The following TDP1 variants were observed in gnomAD, a reference collection of about 807,000 sequenced individuals.
TDP1 encodes the protein tyrosyl-DNA phosphodiesterase 1.
Under a neutral mutation model 81.5 loss-of-function variants are expected in TDP1, and 64 were observed. That is an observed-to-expected ratio of 0.79 (90% CI 0.64 to 0.97). TDP1 has a LOEUF of 0.97. Among genes scored for constraint, TDP1 ranks in the 50% least tolerant of loss-of-function variants. The pLI is 0.00. For missense variants in TDP1, 723 were observed against 743.8 expected, an observed-to-expected ratio of 0.97 and a Z score of 0.33; for synonymous variants, 256 against 264.3, an observed-to-expected ratio of 0.97 and a Z score of 0.30.
chr14:90,043,465 G>T lies in TDP1; in HGVS notation c.*322G>T. 1 of 434,270 alleles carries T rather than the reference G, an allele frequency of 2.3e-6. No homozygotes were observed. Among genetic ancestry groups the T allele is most frequent in the Non-Finnish European group, 4.2e-6 (1 of 237,604 alleles). 26.9% of individuals were successfully genotyped at this position (434,270 alleles called of 1,614,324 possible). A position where few individuals can be genotyped will look rare whatever the true frequency, so the allele number is the denominator to read the frequency against. On this transcript the variant is annotated 3_prime_UTR_variant, in exon 17 of 17. Coordinates refer to ENST00000335725, the MANE Select transcript of TDP1 (RefSeq NM_018319.4). ...AGTGTTTCAGCTTTTGGATTTTTTT[G>T]AATTTTGGAATATTTGCATAGCATA...
chr14:89,985,068 C>T (rs1462754172), intron 9 of TDP1, 64 bp from the exon 10 acceptor site: 1 of 1,411,208 alleles, frequency 7.1e-7, no homozygotes, highest in African/African-American at 1.5e-5. Flanking sequence ...TGTATTTTGT[C>T]ATTTTTTTTG....
intron 15 of TDP1, among the ~76,000 whole-genome samples, chr14:90,029,360 G>A (rs1476854352): frequency 1.3e-5 from 2 of 151,582 alleles, no homozygotes; most frequent in African/African-American, 4.9e-5. Context: ...ACCACACCTG[G>A]CTAATTTTTT....
Position 89,985,224 on chromosome 14 carries a change from T to A in TDP1, c.1131+14T>A, listed in dbSNP as rs565896718. 8.4e-5 allele frequency: 129 copies of A among 1,535,408 alleles called. No homozygotes were observed. In the South Asian group the frequency reaches 1.4e-3, roughly 16 times the overall value. ...AGACTTAAGAAGGTAACAGAACTTT[T>A]ACTATTTTAACATTTTTAAAAAATT... On this transcript the variant is annotated intron_variant, in intron 10 of 16. Transcript: ENST00000335725.
intron 8 of TDP1, 77 bp downstream of exon 8, chr14:89,980,709 T>G: frequency 2.5e-6 from 3 of 1,200,034 alleles, no homozygotes; most frequent in Non-Finnish European, 3.6e-6. Flanking sequence ...ACTTTATTCT[T>G]TTTTCTATTT....
intron 15 of TDP1, among the ~76,000 whole-genome samples, chr14:90,020,590 C>T (rs1286928): frequency 2.9e-5 from 1 of 34,244 alleles, no homozygotes. Flanking sequence ...TTCCCTCCCT[C>T]CCTCCCTCCC....
At chr14:89,980,073 T>C in intron 7 of TDP1, 1 of 716,412 alleles carries the variant, frequency 1.4e-6, no homozygotes, top group Non-Finnish European at 1.7e-6. Flanking sequence ...AACATACCTT[T>C]GTGCCAAAAC....
At chr14:90,023,817 G>A (rs1473785031) in intron 15 of TDP1, among the ~76,000 whole-genome samples, 2 of 152,186 alleles carry the variant, frequency 1.3e-5, no homozygotes, top group South Asian at 2.1e-4. Flanking sequence ...GACTACAAGT[G>A]TGTGCCACTA....
chr14:90,030,659 C>A (rs1887170874), intron 15 of TDP1, among the ~76,000 whole-genome samples: 1 of 152,178 alleles, frequency 6.6e-6, no homozygotes, highest in South Asian at 2.1e-4. Context: ...AACTTTAGTT[C>A]CATTTCTACA....
upstream of TDP1, chr14:89,955,589 T>C (rs930789796): frequency 6.6e-6 from 1 of 152,286 alleles, no homozygotes; most frequent in African/African-American, 2.4e-5. Context: ...GCAGCTGCCT[T>C]TAACCTAAGC....
At chr14:90,014,753 T>A (rs59883135) in intron 14 of TDP1, among the ~76,000 whole-genome samples, 14,652 of 152,060 alleles carry the variant, frequency 0.096, 1,591 homozygotes, top group African/African-American at 0.26. Context: ...TACATCTTCT[T>A]AAAAAAAACT....
chr14:89,977,272 G>C (rs1894447567), intron 7 of TDP1, among the ~76,000 whole-genome samples: 1 of 152,168 alleles, frequency 6.6e-6, no homozygotes, highest in African/African-American at 2.4e-5. Flanking sequence ...CTCGTGTCTT[G>C]AAATTACTTT....
chr14:90,010,324 A>G (rs1239421184), intron 14 of TDP1, among the ~76,000 whole-genome samples: 1 of 152,266 alleles, frequency 6.6e-6, no homozygotes, highest in African/African-American at 2.4e-5. Flanking sequence ...AAACAAAGTT[A>G]TAACTGGGCA....
intron 14 of TDP1, 79 bp from the exon 15 acceptor site, chr14:90,019,237 T>C: frequency 1.5e-6 from 2 of 1,296,652 alleles, no homozygotes; most frequent in African/African-American, 1.5e-5. Context: ...TTTTGACCGG[T>C]GCTCTTGCAG....
intron 14 of TDP1, among the ~76,000 whole-genome samples, chr14:90,015,019 A>G (rs1291486043): frequency 2.6e-5 from 4 of 152,358 alleles, no homozygotes; most frequent in South Asian, 4.1e-4. Context: ...GGATGAGACT[A>G]CATCACTGGA....
rs10151377 is a variant in TDP1 at position 89,985,186 on chromosome 14, T to C, written c.1107T>C (p.Asn369=). The change falls in exon 10 of 17, where the codon AAT becomes AAC. Residue 369 remains asparagine, a synonymous_variant. Transcript: ENST00000335725. ...PGRFQGSQKD[N]WGHFRLKKLL... ...GCTTTCAAGGAAGTCAAAAAGATAA[T>C]TGGGGACATTTTAGACTTAAGAAGG... 10,138 of 1,610,214 alleles carry C rather than the reference T, an allele frequency of 6.3e-3. 505 individuals are homozygous for C. In the African/African-American group the frequency reaches 0.11, roughly 18 times the overall value.
chr14:90,014,191 A>T (rs746709683), intron 14 of TDP1, among the ~76,000 whole-genome samples: 1 of 152,224 alleles, frequency 6.6e-6, no homozygotes, highest in African/African-American at 2.4e-5. Context: ...TCTAAATAGG[A>T]TAGATGCTTG....
chr14:89,988,978 G>T lies in TDP1; in HGVS notation c.1205G>T (p.Gly402Val). Residue 402 changes from glycine to valine, a missense_variant, in exon 11 of 17, where the codon GGC becomes GTC. Physicochemically the swap from Gly to Val is moderately radical, Grantham distance 109. Coordinates refer to ENST00000335725, the MANE Select transcript of TDP1 (RefSeq NM_018319.4). ...WPVVGQFSSV[G>V]SLGADESKWL... ...GTCGTAGGTCAGTTTTCAAGCGTTG[G>T]CTCCTTGGGAGCCGATGAATCAAAG... 1 of 1,614,168 alleles carries T rather than the reference G, an allele frequency of 6.2e-7. No individual in the cohort carries two copies. Among genetic ancestry groups the T allele is most frequent in the Non-Finnish European group, 8.5e-7 (1 of 1,180,016 alleles).
intron 16 of TDP1, among the ~76,000 whole-genome samples, chr14:90,036,955 C>T (rs536595278): frequency 6.5e-4 from 99 of 152,082 alleles, no homozygotes; most frequent in African/African-American, 2.1e-3. Flanking sequence ...CACTACAGTG[C>T]GTGCCATCAT....
At chr14:90,021,756 G>T (rs1481036132) in intron 15 of TDP1, among the ~76,000 whole-genome samples, 2 of 152,282 alleles carry the variant, frequency 1.3e-5, no homozygotes, top group Admixed American at 1.3e-4. Context: ...CATCAGACAA[G>T]AATATAAAAC....
Sources: gnomAD v4.1 joint callset for allele counts (sites outside exome capture counted in the v4.1 genomes callset) on GRCh38, gnomAD v4.1.1 for gene constraint, MANE v1.5 for transcripts, NCBI Gene and HGNC (gene_info 2026-07-23, HGNC 2026-07-21) for gene names.